The following SPATS1 variants were observed in gnomAD, a reference collection of about 807,000 sequenced individuals.
The protein encoded by SPATS1 is spermatogenesis associated serine rich 1.
SPATS1 carries 23 observed loss-of-function variants against 33.6 expected under a neutral mutation model. That is an observed-to-expected ratio of 0.68 (90% CI 0.49 to 0.97). SPATS1 has a LOEUF of 0.97. Among genes scored for constraint, SPATS1 ranks in the 50% least tolerant of loss-of-function variants. SPATS1 has a pLI of 0.00. For missense variants in SPATS1, 327 were observed against 361.0 expected, an observed-to-expected ratio of 0.91 and a Z score of 0.76; for synonymous variants, 131 against 125.6, an observed-to-expected ratio of 1.04 and a Z score of -0.29.
chr6:44,365,753 T>C (rs1789206573), intron 5 of SPATS1, among the ~76,000 whole-genome samples: 1 of 152,234 alleles, frequency 6.6e-6, no homozygotes, highest in Non-Finnish European at 1.5e-5. Flanking sequence ...TTCGCTCCCT[T>C]ATATGGTTAT....
chr6:44,360,182 G>C (rs932776433), intron 3 of SPATS1, among the ~76,000 whole-genome samples: 2 of 152,108 alleles, frequency 1.3e-5, no homozygotes, highest in Non-Finnish European at 2.9e-5. Flanking sequence ...TGTCCAGTCT[G>C]GTCTCAAACT....
At chr6:44,355,721 C>T (rs1464102646) in intron 3 of SPATS1, among the ~76,000 whole-genome samples, 1 of 152,194 alleles carries the variant, frequency 6.6e-6, no homozygotes, top group African/African-American at 2.4e-5. Flanking sequence ...AAAATCTGCT[C>T]CAAGTGGACT....
chr6:44,342,740 C>T lies in SPATS1; in HGVS notation c.-29C>T, dbSNP rs1194838207. 1 of 471,622 alleles carries T rather than the reference C, an allele frequency of 2.1e-6. No individual in the cohort carries two copies. Among genetic ancestry groups the T allele is most frequent in the Non-Finnish European group, 4.2e-6 (1 of 238,094 alleles). 29.2% of individuals were successfully genotyped at this position (471,622 alleles called of 1,614,324 possible). ...CAGGCCTCGGCGTGCGGCGTGCGTTCGGCAGTTCAGTTGCCAGTTGGTTCG... is the reference window on the plus strand; with the variant it reads ...CAGGCCTCGGCGTGCGGCGTGCGTTTGGCAGTTCAGTTGCCAGTTGGTTCG... On this transcript the variant is annotated 5_prime_UTR_variant, in exon 1 of 9. Transcript: ENST00000674044.
chr6:44,352,922 C>T, intron 3 of SPATS1, 49 bp downstream of exon 3: 1 of 1,587,384 alleles, frequency 6.3e-7, no homozygotes, highest in Non-Finnish European at 8.6e-7. Context: ...AGATTCTGAC[C>T]AAGAAGCCAA....
chr6:44,350,214 C>A (rs969047336), intron 2 of SPATS1, among the ~76,000 whole-genome samples: 3 of 152,180 alleles, frequency 2.0e-5, no homozygotes, highest in Admixed American at 6.5e-5. Flanking sequence ...CTGGGGCCTG[C>A]ATATTGAACA....
chr6:44,358,511 G>T (rs1385095007), intron 3 of SPATS1, among the ~76,000 whole-genome samples: 1 of 151,914 alleles, frequency 6.6e-6, no homozygotes, highest in Non-Finnish European at 1.5e-5. Context: ...TGCATTTAAT[G>T]GTTTTATTAA....
chr6:44,373,320 C>T (rs771230233), intron 7 of SPATS1, among the ~76,000 whole-genome samples: 3 of 152,148 alleles, frequency 2.0e-5, no homozygotes, highest in Admixed American at 6.6e-5. Flanking sequence ...ATTTGCTTTC[C>T]TTTTCTTTAG....
At chr6:44,369,725 A>G (rs1276190156) in intron 6 of SPATS1, among the ~76,000 whole-genome samples, 1 of 151,904 alleles carries the variant, frequency 6.6e-6, no homozygotes, top group Admixed American at 6.6e-5. Flanking sequence ...ACAAAAAATT[A>G]GCTGGGCATG....
chr6:44,343,442 C>T (rs773016239), intron 2 of SPATS1: 9 of 667,608 alleles, frequency 1.3e-5, no homozygotes, highest in Middle Eastern at 2.4e-4. Flanking sequence ...CAGAGAGTCT[C>T]ATAAATTACC....
chr6:44,376,296 G>T (rs187808248), intron 7 of SPATS1, 62 bp from the exon 8 acceptor site: 3 of 984,572 alleles, frequency 3.0e-6, no homozygotes, highest in East Asian at 5.0e-5. Flanking sequence ...TTTCTTATCC[G>T]CTGTTGGTGT....
intron 7 of SPATS1, among the ~76,000 whole-genome samples, chr6:44,374,386 G>T (rs1789808852): frequency 6.6e-6 from 1 of 152,164 alleles, no homozygotes; most frequent in Non-Finnish European, 1.5e-5. Context: ...TTAGCATTAT[G>T]AAAGTATCTT....
At chr6:44,346,414 C>T (rs866608430) in intron 2 of SPATS1, among the ~76,000 whole-genome samples, 7 of 152,132 alleles carry the variant, frequency 4.6e-5, no homozygotes, top group African/African-American at 1.4e-4. Flanking sequence ...GAGATGGGGT[C>T]TCACTCTGTC....
chr6:44,370,111 C>A lies in SPATS1; in HGVS notation c.756C>A (p.Pro252=). The A allele has an allele frequency of 1.2e-6, 2 of 1,609,982 alleles. No homozygotes were observed. The highest frequency in any genetic ancestry group is 1.7e-6 in the Non-Finnish European group (2 of 1,176,872). ...CACTTGAGCCTCTTCCACAAATTCC[C>A]AAGTGAGTTCTCTTGTCATGTTTTG... is the stretch of plus-strand genomic sequence containing the variant. ...FIPLEPLPQI[P]NLPFWVKEKA... The change falls in exon 7 of 9, where the codon CCC becomes CCA. Residue 252 remains proline (P), a splice_region_variant and synonymous_variant. Transcript: ENST00000674044.
intron 6 of SPATS1, among the ~76,000 whole-genome samples, chr6:44,368,898 AT>A (rs60261813): frequency 0.66 from 89,083 of 134,254 alleles, 29,212 homozygotes; most frequent in Middle Eastern, 0.74. Context: ...GGTGTATTAC[AT>A]TTTTTTTTTT....
In SPATS1 at chr6:44,343,160, C is replaced by T. The variant is rs1312526827; in HGVS notation, c.65C>T (p.Thr22Met). 1.2e-6 allele frequency: 2 copies of T among 1,613,992 alleles called. No individual in the cohort carries two copies. Among genetic ancestry groups the T allele is most frequent in the East Asian group, 2.2e-5 (1 of 44,892 alleles). ...RGCRLPSISS[T>M]TCGRQLEKVP... ...TGCCGTCTCCCCTCCATCTCAAGCACGACCTGCGGCAGACAGCTGGAGAAG... is the reference window on the plus strand; with the variant it reads ...TGCCGTCTCCCCTCCATCTCAAGCATGACCTGCGGCAGACAGCTGGAGAAG... The change falls in exon 2 of 9, where the codon ACG becomes ATG. Residue 22 changes from threonine to methionine, a missense_variant. By Grantham distance (81) the Thr-to-Met change is moderately conservative. Coordinates refer to ENST00000674044, the MANE Select transcript of SPATS1 (RefSeq NM_001372081.1).
rs915515981 is a variant in SPATS1, at chr6:44,379,241, C to T, written c.*2178C>T. Among the ~76,000 whole-genome samples the T allele has an allele frequency of 6.6e-6, 1 of 151,992 alleles. No individual in the cohort carries two copies. Among genetic ancestry groups the T allele is most frequent in the Admixed American group, 6.6e-5 (1 of 15,258 alleles). On this transcript the variant is annotated 3_prime_UTR_variant, in exon 9 of 9. Transcript: ENST00000674044. ...TATCTAGGTGGCACAGGAAACTGCT[C>T]TCAGAAGGTTCCCTGGTGTTTTGGA...
chr6:44,356,276 C>T (rs969132904), intron 3 of SPATS1, among the ~76,000 whole-genome samples: 9 of 152,120 alleles, frequency 5.9e-5, no homozygotes, highest in Non-Finnish European at 1.0e-4. Flanking sequence ...CCTGAAACAC[C>T]GTATAAGTCC....
intron 2 of SPATS1, among the ~76,000 whole-genome samples, chr6:44,351,409 A>G (rs1282731155): frequency 6.6e-6 from 1 of 152,132 alleles, no homozygotes; most frequent in Non-Finnish European, 1.5e-5. Context: ...AGATGACTCT[A>G]TATGTGTGAA....
intron 2 of SPATS1, among the ~76,000 whole-genome samples, chr6:44,345,832 A>T (rs770767492): frequency 6.6e-6 from 1 of 152,198 alleles, no homozygotes; most frequent in African/African-American, 2.4e-5. Flanking sequence ...TGCACTTCTC[A>T]TAGGCTTCGG....
Sources: allele counts gnomAD v4.1 joint callset (sites outside exome capture counted in the v4.1 genomes callset), GRCh38; gene constraint gnomAD v4.1.1; transcripts MANE v1.5; gene names NCBI Gene and HGNC (gene_info 2026-07-23, HGNC 2026-07-21).